TMEM255A: variants seen among roughly 807,000 people sequenced by gnomAD.
TMEM255A encodes the protein family with sequence similarity 70, member A.
A neutral mutation model predicts 23.5 loss-of-function variants in TMEM255A; 14 were observed. The ratio of observed to expected loss-of-function variants is 0.60; its 90% confidence interval spans 0.39 to 0.93. The LOEUF is 0.93. TMEM255A is among the 40% of genes least tolerant of loss of function. The pLI is 0.00. For synonymous variants in TMEM255A, 104 were observed against 100.3 expected (o/e 1.04, Z -0.22); for missense variants, 233 against 261.7 (o/e 0.89, Z 0.76).
At chrX:120,293,904 A>T in intron 3 of TMEM255A, 85 bp downstream of exon 3, 2 of 717,327 alleles carry the variant, frequency 2.8e-6, no homozygotes, top group Non-Finnish European at 4.2e-6. Context: ...CAAATCACAC[A>T]AACTTAAGAA....
intron 2 of TMEM255A, among the ~76,000 whole-genome samples, chrX:120,295,655 A>G (rs1443926736): frequency 8.9e-6 from 1 of 112,013 alleles, no homozygotes; most frequent in Non-Finnish European, 1.9e-5. Context: ...TAGTTATCAC[A>G]CTAGCCTGGC....
At chrX:120,291,988 G>A (rs1008870044) in intron 3 of TMEM255A, among the ~76,000 whole-genome samples, 33 of 111,006 alleles carry the variant, frequency 3.0e-4, no homozygotes, top group African/African-American at 1.0e-3. Context: ...CTGAATCAAC[G>A]TTGTATGATA....
At chrX:120,287,293 A>G in intron 4 of TMEM255A, 71 bp from the exon 5 acceptor site, 1 of 817,946 alleles carries the variant, frequency 1.2e-6, no homozygotes, top group Non-Finnish European at 1.8e-6. Flanking sequence ...TGTACTTGGT[A>G]ATAAAAGGTT....
downstream of TMEM255A, chrX:120,257,528 G>C (rs1427412704): frequency 9.8e-5 from 12 of 122,874 alleles, no homozygotes; most frequent in African/African-American, 3.9e-4. Context: ...CTGAATAATA[G>C]GTATGTAATT....
intron 7 of TMEM255A, among the ~76,000 whole-genome samples, chrX:120,275,522 C>A (rs1487700713): frequency 9.0e-6 from 1 of 111,042 alleles, no homozygotes; most frequent in Non-Finnish European, 1.9e-5. Context: ...TTCTGTTCTT[C>A]AGGGACCCCA....
chrX:120,256,863 C>T (rs2057641700), downstream of TMEM255A: 1 of 121,241 alleles, frequency 8.2e-6, no homozygotes, highest in Non-Finnish European at 1.9e-5. Context: ...CATTTGTAAC[C>T]TTGCTTAAGT....
chrX:120,253,900 C>T (rs782554056), downstream of TMEM255A: 1 of 1,210,978 alleles, frequency 8.3e-7, no homozygotes, highest in East Asian at 3.0e-5. Context: ...AATGGGGCTA[C>T]TATAATGCCT....
chrX:120,288,814 T>C (rs1171850964), intron 4 of TMEM255A, among the ~76,000 whole-genome samples: 1 of 112,540 alleles, frequency 8.9e-6, no homozygotes, highest in Non-Finnish European at 1.9e-5. Flanking sequence ...TTCACGTTCA[T>C]GCTAACCCTG....
intron 2 of TMEM255A, among the ~76,000 whole-genome samples, chrX:120,299,928 A>G (rs1556025614): frequency 9.0e-6 from 1 of 111,714 alleles, no homozygotes; most frequent in Non-Finnish European, 1.9e-5. Flanking sequence ...CCATCTCCTA[A>G]TATCCCACAG....
Position 120,259,597 on chromosome X carries a change from TCTTC to T in TMEM255A, c.*1269_*1272del, listed in dbSNP as rs2057662590. ...ACGTTATAAAGTATAGGATTATCAA[TCTTC>T]CTTTAAATCAATTCTCAGGTTAACA... On this transcript the variant is annotated 3_prime_UTR_variant, in exon 9 of 9. Coordinates refer to ENST00000371369, the MANE Select transcript of TMEM255A (RefSeq NM_001104544.3). The T allele has an allele frequency of 8.9e-6, 1 of 112,187 alleles. No individual in the cohort carries two copies. Among genetic ancestry groups the T allele is most frequent in the African/African-American group, 3.3e-5 (1 of 30,740 alleles). 9.2% of individuals were successfully genotyped at this position (112,187 alleles called of 1,213,427 possible).
At chrX:120,303,347 AG>A (rs782093984) in intron 2 of TMEM255A, among the ~76,000 whole-genome samples, 1,118 of 111,459 alleles carry the variant, frequency 0.01, 8 homozygotes, top group Middle Eastern at 0.023. Context: ...ATCCTTCTGG[AG>A]GAGGGCAAGT....
downstream of TMEM255A, chrX:120,253,824 C>A (rs2057615806): frequency 1.7e-6 from 2 of 1,210,927 alleles, no homozygotes. Flanking sequence ...TAATACTGAG[C>A]CTTTACCTCC....
intron 1 of TMEM255A, among the ~76,000 whole-genome samples, chrX:120,308,020 C>A (rs1345471049): frequency 4.5e-5 from 5 of 112,137 alleles, no homozygotes; most frequent in Non-Finnish European, 9.4e-5. Flanking sequence ...CTGGTCAGAG[C>A]CCCCATCTGC....
At chrX:120,266,313 C>T (rs902264133) in intron 8 of TMEM255A, among the ~76,000 whole-genome samples, 2 of 109,710 alleles carry the variant, frequency 1.8e-5, no homozygotes, top group Non-Finnish European at 3.8e-5. Context: ...CTTTTTTGTC[C>T]CCACTACTGT....
intron 4 of TMEM255A, among the ~76,000 whole-genome samples, chrX:120,289,116 T>C (rs1044190584): frequency 4.6e-4 from 52 of 112,012 alleles, no homozygotes; most frequent in South Asian, 2.2e-3. Context: ...AGGGTCCAAA[T>C]GTGCCTTTCA....
Position 120,311,440 on chromosome X carries a change from G to T in TMEM255A, c.-131C>A. 1.9e-6 allele frequency: 1 copy of T among 536,986 alleles called. No homozygotes were observed. Among genetic ancestry groups the T allele is most frequent in the Non-Finnish European group, 3.2e-6 (1 of 309,456 alleles). The allele number at this position is 536,986 out of a possible 1,213,427, so 44.3% of individuals were successfully genotyped here. A position where few individuals can be genotyped will look rare whatever the true frequency, so the allele number is the denominator to read the frequency against. ...CCGAGAGCTGAGAGACACTGCCTCT[G>T]GTTGCGAGCTGCAGCCCAAGTGCCG... On this transcript the variant is annotated 5_prime_UTR_variant, in exon 1 of 9. Coordinates refer to ENST00000371369, the MANE Select transcript of TMEM255A (RefSeq NM_001104544.3).
At chrX:120,290,225 A>G (rs1233265920) in intron 4 of TMEM255A, among the ~76,000 whole-genome samples, 2 of 112,067 alleles carry the variant, frequency 1.8e-5, no homozygotes, top group African/African-American at 3.2e-5. Context: ...AACATTAGGA[A>G]TGAGGGGAAG....
chrX:120,305,084 G>A (rs2058056102), intron 1 of TMEM255A, among the ~76,000 whole-genome samples: 2 of 111,249 alleles, frequency 1.8e-5, no homozygotes, highest in South Asian at 3.8e-4. Context: ...GTGTAATAAA[G>A]TGAGTGTTTG....
chrX:120,300,045 C>T (rs1426051100), intron 2 of TMEM255A, among the ~76,000 whole-genome samples: 3 of 111,839 alleles, frequency 2.7e-5, no homozygotes, highest in Non-Finnish European at 3.8e-5. Context: ...CTAGTATGCG[C>T]CCTAATAGTA....
Sources: gnomAD v4.1 joint callset for allele counts (sites outside exome capture counted in the v4.1 genomes callset) on GRCh38, gnomAD v4.1.1 for gene constraint, MANE v1.5 for transcripts, NCBI Gene and HGNC (gene_info 2026-07-23, HGNC 2026-07-21) for gene names.